Variants in KAZN observed in about 807,000 individuals in gnomAD.
The protein encoded by KAZN is kazrin, periplakin interacting protein.
A neutral mutation model predicts 87.4 loss-of-function variants in KAZN; 40 were observed. That is an observed-to-expected ratio of 0.46 (90% CI 0.36 to 0.60). The LOEUF (loss-of-function observed/expected upper bound fraction) is 0.60. Ranked by LOEUF, KAZN falls within the 20% of genes least tolerant of loss-of-function variation. The probability of loss-of-function intolerance (pLI) is 0.00; values close to 1 mark genes in which losing one functional copy is unlikely to be tolerated. For missense variants in KAZN, 898 were observed against 1,073.9 expected (o/e 0.84, Z 2.29); for synonymous variants, 466 against 458.3 (o/e 1.02, Z -0.22).
At chr1:14,498,097 G>A (rs887184731) in intron 2 of KAZN, among the ~76,000 whole-genome samples, 4 of 152,176 alleles carry the variant, frequency 2.6e-5, no homozygotes, top group Admixed American at 6.5e-5. Context: ...CTTTGGAAAC[G>A]TTCCCTGACT....
Position 14,341,098 on chromosome 1 carries a change from G to T in KAZN, c.249+160506G>T, listed in dbSNP as rs147264151. Among the ~76,000 whole-genome samples, 1,103 of 151,758 alleles carry T rather than the reference G, an allele frequency of 7.3e-3. 14 individuals are homozygous for T. Among genetic ancestry groups the T allele is most frequent in the African/African-American group, 0.025 (1,054 of 41,338 alleles). Reference sequence around the variant, plus strand: ...AGATTGGGGGGGGTTTCACCATGTTGGCCAGGCTGGTCTCGAACTCCTGAC... The same window carrying T: ...AGATTGGGGGGGGTTTCACCATGTTTGCCAGGCTGGTCTCGAACTCCTGAC... On this transcript the variant is annotated intron_variant, in intron 2 of 16. Coordinates refer to the KAZN transcript ENST00000636203.
intron 2 of KAZN, among the ~76,000 whole-genome samples, chr1:15,008,116 C>T (rs1222622014): frequency 1.3e-5 from 2 of 152,184 alleles, no homozygotes; most frequent in Non-Finnish European, 2.9e-5. Flanking sequence ...TCGTGGCCTG[C>T]GGAAGTGGGT....
chr1:14,743,658 G>A (rs1326156959), intron 1 of KAZN, among the ~76,000 whole-genome samples: 1 of 152,082 alleles, frequency 6.6e-6, no homozygotes, highest in Non-Finnish European at 1.5e-5. Context: ...CTCTCCTCGG[G>A]TCTCAGATCT....
At chr1:14,859,414 T>G (rs969560338) in intron 1 of KAZN, among the ~76,000 whole-genome samples, 1 of 152,150 alleles carries the variant, frequency 6.6e-6, no homozygotes, top group Admixed American at 6.5e-5. Context: ...AGCTGGGATT[T>G]AAACCTAATT....
intron 1 of KAZN, among the ~76,000 whole-genome samples, chr1:14,718,032 G>A (rs1326025194): frequency 1.3e-5 from 2 of 152,228 alleles, no homozygotes; most frequent in African/African-American, 4.8e-5. Flanking sequence ...CACCTGTGGT[G>A]ACTGGGGTAG....
At chr1:14,792,703 C>T (rs531708341) in intron 1 of KAZN, among the ~76,000 whole-genome samples, 3 of 152,172 alleles carry the variant, frequency 2.0e-5, no homozygotes, top group Admixed American at 6.5e-5. Context: ...CATGGCTGGG[C>T]GCAATGGCTC....
chr1:14,931,274 TAA>T (rs34539653), intron 1 of KAZN, among the ~76,000 whole-genome samples: 2 of 144,430 alleles, frequency 1.4e-5, no homozygotes, highest in Non-Finnish European at 1.5e-5. Flanking sequence ...CCATCTCTAC[TAA>T]AAAAAAAAAA....
At chr1:14,291,135 G>T (rs1205843107) in intron 2 of KAZN, among the ~76,000 whole-genome samples, 1 of 152,190 alleles carries the variant, frequency 6.6e-6, no homozygotes, top group East Asian at 1.9e-4. Context: ...GGCTACATGG[G>T]GGTCAGGGAC....
At chr1:14,065,381 A>G (rs777883176) in intron 1 of KAZN, among the ~76,000 whole-genome samples, 14 of 152,224 alleles carry the variant, frequency 9.2e-5, no homozygotes, top group Non-Finnish European at 1.8e-4. Flanking sequence ...AACAGAAAGA[A>G]CAAACACTGT....
At chr1:13,997,298 A>G (rs1350141712) in intron 1 of KAZN, among the ~76,000 whole-genome samples, 1 of 152,112 alleles carries the variant, frequency 6.6e-6, no homozygotes, top group Non-Finnish European at 1.5e-5. Context: ...AAAACCCAAA[A>G]GGACAGAGTG....
intron 1 of KAZN, among the ~76,000 whole-genome samples, chr1:14,021,317 A>G (rs1440747228): frequency 2.0e-5 from 3 of 152,248 alleles, no homozygotes; most frequent in African/African-American, 4.8e-5. Context: ...TACCTGGATC[A>G]GTAGCATCTG....
rs78907578 is a variant in KAZN at position 14,103,351 on chromosome 1, C to T, written c.92-77084C>T. ...GTTGAGGCACTGGGGGTTAGGACTT[C>T]GATATATAAATTGGAGTGAATGGGA... On this transcript the variant is annotated intron_variant, in intron 1 of 16. Transcript: ENST00000636203. Among the ~76,000 whole-genome samples, 154 of 152,136 alleles carry T rather than the reference C, an allele frequency of 1.0e-3. 6 individuals carry two copies. In the East Asian group the frequency reaches 0.026, roughly 26 times the overall value.
At chr1:15,045,063 T>C (rs1473945474) in intron 4 of KAZN, among the ~76,000 whole-genome samples, 3 of 152,112 alleles carry the variant, frequency 2.0e-5, no homozygotes, top group Non-Finnish European at 4.4e-5. Flanking sequence ...GCCCTGGAGG[T>C]CTGTTCTGCC....
chr1:14,626,200 C>T (rs1426997202), intron 1 of KAZN, among the ~76,000 whole-genome samples: 1 of 152,190 alleles, frequency 6.6e-6, no homozygotes, highest in Non-Finnish European at 1.5e-5. Context: ...GCTGCCTGTA[C>T]ACATTATACG....
intron 1 of KAZN, among the ~76,000 whole-genome samples, chr1:14,612,075 G>C (rs531267323): frequency 6.6e-6 from 1 of 152,274 alleles, no homozygotes; most frequent in East Asian, 1.9e-4. Flanking sequence ...ATTTGTATCT[G>C]ACCCAGCTCG....
intron 1 of KAZN, among the ~76,000 whole-genome samples, chr1:14,886,299 C>T (rs1456819680): frequency 6.6e-6 from 1 of 151,980 alleles, no homozygotes; most frequent in Non-Finnish European, 1.5e-5. Flanking sequence ...GACATGCACC[C>T]GTAGCCCTAG....
chr1:15,027,487 C>T (rs957192035), intron 2 of KAZN, among the ~76,000 whole-genome samples: 5 of 152,156 alleles, frequency 3.3e-5, no homozygotes, highest in Non-Finnish European at 7.3e-5. Context: ...TCAGTTTCCC[C>T]ATCTGTAAAG....
At chr1:14,096,405 T>A (rs1224147648) in intron 1 of KAZN, among the ~76,000 whole-genome samples, 1 of 152,208 alleles carries the variant, frequency 6.6e-6, no homozygotes, top group Non-Finnish European at 1.5e-5. Context: ...GTGAGCCAGA[T>A]GCCCTGGAGG....
intron 2 of KAZN, among the ~76,000 whole-genome samples, chr1:14,520,659 C>T (rs1337994490): frequency 6.6e-6 from 1 of 152,172 alleles, no homozygotes; most frequent in Non-Finnish European, 1.5e-5. Flanking sequence ...CTAAGGTTCG[C>T]CTCTGGAAGC....
Sources: gnomAD v4.1 joint callset for allele counts (sites outside exome capture counted in the v4.1 genomes callset) on GRCh38, gnomAD v4.1.1 for gene constraint, MANE v1.5 for transcripts, NCBI Gene and HGNC (gene_info 2026-07-23, HGNC 2026-07-21) for gene names.